PCDHA3: variants seen among roughly 807,000 people sequenced by gnomAD.
The protein encoded by PCDHA3 is protocadherin alpha 3.
A neutral mutation model predicts 62.2 loss-of-function variants in PCDHA3; 41 were observed. The observed-to-expected ratio is 0.66, with a 90% CI of 0.51 to 0.86. The LOEUF (loss-of-function observed/expected upper bound fraction) is 0.86. PCDHA3 is among the 40% of genes least tolerant of loss of function. PCDHA3 has a pLI of 0.00. For missense variants in PCDHA3, 1,304 were observed against 1,241.2 expected (o/e 1.05, Z -0.76); for synonymous variants, 640 against 555.4 (o/e 1.15, Z -2.14).
chr5:140,968,488 C>A, intron 1 of PCDHA3: 1 of 1,614,148 alleles, frequency 6.2e-7, no homozygotes, highest in South Asian at 1.1e-5. Context: ...ACATGAATGA[C>A]CATGCCCCTC....
At chr5:140,856,980 A>G in intron 1 of PCDHA3, 1 of 1,594,908 alleles carries the variant, frequency 6.3e-7, no homozygotes, top group African/African-American at 1.3e-5. Context: ...GACTTTGAGG[A>G]CAGTAACACT....
intron 1 of PCDHA3, among the ~76,000 whole-genome samples, chr5:140,894,640 C>T (rs1004479669): frequency 4.6e-5 from 7 of 151,788 alleles, no homozygotes; most frequent in Admixed American, 4.6e-4. Flanking sequence ...CATATCATTA[C>T]TGAGTCTCTC....
rs1781486578 is a variant in PCDHA3, at chr5:140,848,384, T to G, written c.2394+44793T>G. Reference sequence around the variant, plus strand: ...GGAAAGAGGCTCAATTCTTTTTCACTCTCTCTGTGCTGAACGATGGCGAAC... The same window carrying G: ...GGAAAGAGGCTCAATTCTTTTTCACGCTCTCTGTGCTGAACGATGGCGAAC... On this transcript the variant is annotated intron_variant, in intron 1 of 3. Transcript: ENST00000522353. 4 of 1,203,868 alleles carry G rather than the reference T, an allele frequency of 3.3e-6. No homozygotes were observed. In the East Asian group the frequency reaches 9.3e-5, roughly 28 times the overall value. The allele number at this position is 1,203,868 out of a possible 1,614,324, so 74.6% of individuals were successfully genotyped here. A position where few individuals can be genotyped will look rare whatever the true frequency, so the allele number is the denominator to read the frequency against.
At chr5:140,823,631 T>G in intron 1 of PCDHA3, 2 of 1,614,056 alleles carry the variant, frequency 1.2e-6, no homozygotes, top group Non-Finnish European at 1.7e-6. Context: ...AGTGCGCGCA[T>G]CCCGTTCCGC....
At chr5:140,969,501 A>G (rs2096338220) in intron 1 of PCDHA3, 20 of 1,431,968 alleles carry the variant, frequency 1.4e-5, no homozygotes, top group Non-Finnish European at 1.9e-5. Context: ...CTCTCTAGAA[A>G]AATAGCACTA....
chr5:140,829,430 G>A (rs1554131952), intron 1 of PCDHA3: 2 of 1,613,974 alleles, frequency 1.2e-6, no homozygotes, highest in African/African-American at 1.3e-5. Context: ...GGAGGTGGCC[G>A]ACATGAATGA....
intron 1 of PCDHA3, among the ~76,000 whole-genome samples, chr5:140,917,545 C>G (rs1049973588): frequency 6.6e-6 from 1 of 152,212 alleles, no homozygotes; most frequent in Non-Finnish European, 1.5e-5. Flanking sequence ...TTAGGTTTTA[C>G]ATTTAACTCT....
chr5:140,928,146 A>G, intron 1 of PCDHA3: 1 of 1,614,222 alleles, frequency 6.2e-7, no homozygotes, highest in African/African-American at 1.3e-5. Flanking sequence ...TCACGGCCTC[A>G]GATAGTGGCT....
At chr5:141,007,395 C>CAAAAAAAAAAA (rs35800918) in intron 3 of PCDHA3, among the ~76,000 whole-genome samples, 6 of 94,856 alleles carry the variant, frequency 6.3e-5, no homozygotes, top group South Asian at 3.5e-4. Flanking sequence ...TACTAAAATA[C>CAAAAAAAAAAA]AAAAAAAAAA....
intron 1 of PCDHA3, among the ~76,000 whole-genome samples, chr5:140,946,325 A>G (rs2093929113): frequency 6.6e-6 from 1 of 151,932 alleles, no homozygotes; most frequent in Non-Finnish European, 1.5e-5. Context: ...TGAAAGAGGA[A>G]AGATAACAAG....
At chr5:140,925,138 CA>C (rs2153576707) in intron 1 of PCDHA3, among the ~76,000 whole-genome samples, 1 of 151,676 alleles carries the variant, frequency 6.6e-6, no homozygotes, top group South Asian at 2.1e-4. Flanking sequence ...AAATTTCAAA[CA>C]TACACAAAAG....
chr5:140,803,644 A>G (rs781853689), intron 1 of PCDHA3, 53 bp downstream of exon 1: 23 of 1,612,902 alleles, frequency 1.4e-5, no homozygotes, highest in Non-Finnish European at 1.7e-5. Context: ...TCATTCCTCA[A>G]TGTTTCCACT....
chr5:140,968,477 G>T, intron 1 of PCDHA3: 1 of 1,614,112 alleles, frequency 6.2e-7, no homozygotes, highest in Non-Finnish European at 8.5e-7. Flanking sequence ...ATATGTGGTG[G>T]ACATGAATGA....
intron 1 of PCDHA3, among the ~76,000 whole-genome samples, chr5:140,915,767 C>T (rs1554197085): frequency 6.6e-6 from 1 of 151,976 alleles, no homozygotes; most frequent in Non-Finnish European, 1.5e-5. Context: ...TGGGTCTTGT[C>T]CAAGGCCTGC....
At chr5:140,923,185 A>G (rs536691139) in intron 1 of PCDHA3, among the ~76,000 whole-genome samples, 1 of 152,324 alleles carries the variant, frequency 6.6e-6, no homozygotes, top group East Asian at 1.9e-4. Flanking sequence ...AGATGCATCT[A>G]CTGCAGCAAT....
intron 1 of PCDHA3, among the ~76,000 whole-genome samples, chr5:140,910,741 A>G (rs1349649150): frequency 1.3e-5 from 2 of 152,142 alleles, no homozygotes; most frequent in African/African-American, 2.4e-5. Flanking sequence ...AACCAAGCAC[A>G]TAAATTATCA....
chr5:140,860,083 G>T (rs781794157), intron 1 of PCDHA3: 12 of 151,782 alleles, frequency 7.9e-5, no homozygotes, highest in Non-Finnish European at 1.5e-4. Context: ...GAGGCCAGGA[G>T]TTCAAGACCA....
At chr5:140,829,852 AG>A in intron 1 of PCDHA3, 1 of 1,613,942 alleles carries the variant, frequency 6.2e-7, no homozygotes, top group Non-Finnish European at 8.5e-7. Flanking sequence ...CACTGGGTGC[AG>A]GCCAAGTGGT....
intron 1 of PCDHA3, chr5:140,810,716 A>C (rs2150023636): frequency 6.6e-6 from 1 of 150,586 alleles, no homozygotes; most frequent in African/African-American, 2.4e-5. Flanking sequence ...TTATTTCCTT[A>C]TCTTGTTTTT....
Sources: allele counts gnomAD v4.1 joint callset (sites outside exome capture counted in the v4.1 genomes callset), GRCh38; gene constraint gnomAD v4.1.1; transcripts MANE v1.5; gene names NCBI Gene and HGNC (gene_info 2026-07-23, HGNC 2026-07-21).